Variants in NFILZ observed in about 807,000 individuals in gnomAD.
NFILZ encodes NFIL3 like basic leucine zipper.
intron 3 of NFILZ, among the ~76,000 whole-genome samples, chr19:8,653,430 G>A (rs546777060): frequency 1.3e-5 from 2 of 152,238 alleles, no homozygotes; most frequent in East Asian, 3.9e-4. Context: ...TGCTGAAGAT[G>A]AGTCTATTTT....
chr19:8,637,349 C>A (rs1200889461), intron 3 of NFILZ, among the ~76,000 whole-genome samples: 1 of 151,618 alleles, frequency 6.6e-6, no homozygotes, highest in Non-Finnish European at 1.5e-5. Context: ...AAAACCAAAC[C>A]AAAACAAAAC....
intron 3 of NFILZ, among the ~76,000 whole-genome samples, chr19:8,651,144 A>G (rs1555747670): frequency 6.6e-6 from 1 of 152,178 alleles, no homozygotes; most frequent in African/African-American, 2.4e-5. Context: ...ACAATTGTTT[A>G]ATTATTTCAA....
rs2042975354 is a variant in NFILZ at position 8,653,038 on chromosome 19, T to TTCTCTCTCCC, written c.-164+17300_-164+17301insCCTCTCTCTC. 7.2e-4 allele frequency among the ~76,000 whole-genome samples: 65 copies of TTCTCTCTCCC among 90,590 alleles called. 1 individual carries two copies. Among genetic ancestry groups the TTCTCTCTCCC allele is most frequent in the Middle Eastern group, 5.6e-3 (1 of 178 alleles). 59.4% of individuals were successfully genotyped at this position (90,590 alleles called of 152,430 possible). The stretch of plus-strand genomic sequence containing the variant: ...TTTCTTTCTTTCTTTCTTTCTTTCT[T>TTCTCTCTCCC]TCTCTCTCTCTCTCTCTCTCTCTCT... On this transcript the variant is annotated intron_variant, in intron 3 of 5. Coordinates refer to ENST00000691075, the MANE Select transcript of NFILZ (RefSeq NM_001378600.1).
At chr19:8,664,007 C>T (rs1233878903) in intron 3 of NFILZ, among the ~76,000 whole-genome samples, 1 of 152,026 alleles carries the variant, frequency 6.6e-6, no homozygotes, top group Non-Finnish European at 1.5e-5. Context: ...ACCTGAGGGG[C>T]CCGTTGGGCC....
At chr19:8,663,369 C>T (rs1555749355) in intron 3 of NFILZ, among the ~76,000 whole-genome samples, 4 of 140,744 alleles carry the variant, frequency 2.8e-5, no homozygotes, top group African/African-American at 1.1e-4. Context: ...GGCCTGAGCA[C>T]TTGCAGGGCT....
intron 3 of NFILZ, among the ~76,000 whole-genome samples, chr19:8,670,288 G>C (rs187615131): frequency 1.3e-5 from 2 of 152,042 alleles, no homozygotes; most frequent in Non-Finnish European, 2.9e-5. Flanking sequence ...TTTTTGTAGA[G>C]ACATGGTTTC....
At chr19:8,637,681 T>C (rs2042900815) in intron 3 of NFILZ, among the ~76,000 whole-genome samples, 1 of 138,312 alleles carries the variant, frequency 7.2e-6, no homozygotes, top group Non-Finnish European at 1.6e-5. Context: ...CTGAGGCATG[T>C]GGATCACCTG....
At chr19:8,669,067 C>G (rs1456062389) in intron 3 of NFILZ, among the ~76,000 whole-genome samples, 1 of 152,166 alleles carries the variant, frequency 6.6e-6, no homozygotes, top group Non-Finnish European at 1.5e-5. Context: ...CCTCAGTCTC[C>G]CGAGTAGCTG....
At chr19:8,653,718 G>A (rs995576826) in intron 3 of NFILZ, among the ~76,000 whole-genome samples, 14 of 152,164 alleles carry the variant, frequency 9.2e-5, no homozygotes, top group African/African-American at 3.4e-4. Flanking sequence ...AGTAATTCTG[G>A]AATGGAAAAC....
intron 3 of NFILZ, among the ~76,000 whole-genome samples, chr19:8,672,687 C>A (rs1352638515): frequency 1.3e-5 from 2 of 151,400 alleles, no homozygotes; most frequent in African/African-American, 4.9e-5. Context: ...TTAGTTCATT[C>A]AAAAATATTC....
chr19:8,656,445 C>CCCACCTTCTCCTGCAGCCCACCTTCTCCT, intron 3 of NFILZ, among the ~76,000 whole-genome samples: 1 of 18,870 alleles, frequency 5.3e-5, no homozygotes, highest in East Asian at 2.0e-3. Flanking sequence ...ACCTTCTCCT[C>CCCACCTTCTCCTGCAGCCCACCTTCTCCT]GAAGCCCACC....
At chr19:8,635,168 G>A (rs1281303632) in intron 2 of NFILZ, among the ~76,000 whole-genome samples, 1 of 151,618 alleles carries the variant, frequency 6.6e-6, no homozygotes, top group African/African-American at 2.4e-5. Context: ...AAATTAGCCG[G>A]GCATGGTGGT....
At chr19:8,660,571 C>T (rs1403947777) in intron 3 of NFILZ, among the ~76,000 whole-genome samples, 1 of 122,866 alleles carries the variant, frequency 8.1e-6, no homozygotes, top group East Asian at 2.5e-4. Context: ...TTCCTTCCTC[C>T]CCTCCCTCCC....
intron 3 of NFILZ, among the ~76,000 whole-genome samples, chr19:8,639,099 C>T (rs1397501226): frequency 6.6e-6 from 1 of 152,168 alleles, no homozygotes; most frequent in Non-Finnish European, 1.5e-5. Flanking sequence ...CCGACTCGGC[C>T]TCCCAAAGTG....
At position 8,678,049 on chromosome 19, in the gene NFILZ, C is replaced by A. The variant is rs993648159; in HGVS notation, c.*414C>A. Among the ~76,000 whole-genome samples, 3 of 61,674 alleles carry A rather than the reference C, an allele frequency of 4.9e-5. No individual in the cohort carries two copies. Among genetic ancestry groups the A allele is most frequent in the Admixed American group, 1.7e-4 (1 of 5,944 alleles). 40.5% of individuals were successfully genotyped at this position (61,674 alleles called of 152,430 possible). Reference sequence around the variant, plus strand: ...CCATCTATCCATCCATCCATCCATCCATCCACCCATCTATTCATCCATCCA... The same window carrying A: ...CCATCTATCCATCCATCCATCCATCAATCCACCCATCTATTCATCCATCCA... On this transcript the variant is annotated 3_prime_UTR_variant, in exon 6 of 6. Transcript: ENST00000691075.
In NFILZ at chr19:8,648,164, T is replaced by G. The variant is rs569232529; in HGVS notation, c.-164+12418T>G. The stretch of plus-strand genomic sequence containing the variant: ...ACTCCAACCTGGGCATGAGCGAGAC[T>G]CCGTCTCAAAAAAAAAAAAAAAAAA... On this transcript the variant is annotated intron_variant, in intron 3 of 5. Transcript: ENST00000691075. Among the ~76,000 whole-genome samples, 11 of 87,478 alleles carry G rather than the reference T, an allele frequency of 1.3e-4. No homozygotes were observed. In the South Asian group the frequency reaches 3.6e-3, roughly 28 times the overall value. The allele number at this position is 87,478 out of a possible 152,430, so 57.4% of individuals were successfully genotyped here. A position where few individuals can be genotyped will look rare whatever the true frequency, so the allele number is the denominator to read the frequency against.
chr19:8,647,793 G>GCACACACACA (rs1329041998), intron 3 of NFILZ, among the ~76,000 whole-genome samples: 11 of 69,656 alleles, frequency 1.6e-4, no homozygotes, highest in Middle Eastern at 9.8e-3. Context: ...GCGCGCGCGC[G>GCACACACACA]CGCACACACA....
In NFILZ at chr19:8,632,485, C is replaced by G. The variant is rs1461583058; in HGVS notation, c.-401C>G. The G allele has an allele frequency of 6.6e-6, 1 of 152,002 alleles. No individual in the cohort carries two copies. The highest frequency in any genetic ancestry group is 1.5e-5 in the Non-Finnish European group (1 of 68,024). 9.4% of individuals were successfully genotyped at this position (152,002 alleles called of 1,614,324 possible). On this transcript the variant is annotated 5_prime_UTR_variant, in exon 2 of 6. Coordinates refer to ENST00000691075, the MANE Select transcript of NFILZ (RefSeq NM_001378600.1). ...ATAAAACTGGTTGCAGTAAAGAAGC[C>G]GGCCCAAACCCATCAAGACCAAGAT...
intron 3 of NFILZ, among the ~76,000 whole-genome samples, chr19:8,644,906 C>A (rs958677793): frequency 6.6e-6 from 1 of 151,818 alleles, no homozygotes; most frequent in East Asian, 1.9e-4. Context: ...GCTGACATTA[C>A]AGGCAAACGC....
Sources: allele counts gnomAD v4.1 joint callset (sites outside exome capture counted in the v4.1 genomes callset), GRCh38; gene constraint gnomAD v4.1.1; transcripts MANE v1.5; gene names NCBI Gene and HGNC (gene_info 2026-07-23, HGNC 2026-07-21).